The following PDE7B variants were observed in gnomAD, a reference collection of about 807,000 sequenced individuals.
The protein encoded by PDE7B is 3',5'-cyclic-AMP phosphodiesterase 7B.
A neutral mutation model predicts 56.2 loss-of-function variants in PDE7B; 29 were observed. That is an observed-to-expected ratio of 0.52 (90% CI 0.38 to 0.70). The LOEUF (loss-of-function observed/expected upper bound fraction) is 0.70, where lower values mean the gene tolerates loss of function less well. Ranked by LOEUF, PDE7B falls within the 30% of genes least tolerant of loss-of-function variation. The pLI is 0.00. For missense variants in PDE7B, 490 were observed against 565.0 expected, an observed-to-expected ratio of 0.87 and a Z score of 1.35; for synonymous variants, 197 against 196.9, an observed-to-expected ratio of 1.00 and a Z score of 0.00.
intron 1 of PDE7B, among the ~76,000 whole-genome samples, chr6:135,856,607 C>T (rs1775032252): frequency 6.6e-6 from 1 of 152,070 alleles, no homozygotes; most frequent in Non-Finnish European, 1.5e-5. Context: ...GTTCAATCAC[C>T]TTAATCGAGA....
chr6:136,076,628 C>T (rs1013873646), intron 2 of PDE7B, among the ~76,000 whole-genome samples: 3 of 152,110 alleles, frequency 2.0e-5, no homozygotes, highest in Non-Finnish European at 4.4e-5. Context: ...CAGTTAGACG[C>T]CCAGATCTCT....
intron 6 of PDE7B, among the ~76,000 whole-genome samples, chr6:136,152,736 G>T (rs1410814565): frequency 6.6e-6 from 1 of 152,176 alleles, no homozygotes; most frequent in Non-Finnish European, 1.5e-5. Context: ...CTTGCCACAT[G>T]GCTGTACTTT....
chr6:136,130,922 C>T (rs1778107729), intron 3 of PDE7B, among the ~76,000 whole-genome samples: 1 of 152,106 alleles, frequency 6.6e-6, no homozygotes, highest in Non-Finnish European at 1.5e-5. Flanking sequence ...TTATTTATTA[C>T]CATGAGAACA....
At chr6:135,961,267 GTGTGTGTGTGTGTA>G (rs1461385874) in intron 2 of PDE7B, among the ~76,000 whole-genome samples, 285 of 142,434 alleles carry the variant, frequency 2.0e-3, no homozygotes, top group South Asian at 4.1e-3. Context: ...GTGTGTGTGT[GTGTGTGTGTGTGTA>G]TGTGTGTGTG....
At chr6:135,945,021 C>A (rs540075838) in intron 1 of PDE7B, among the ~76,000 whole-genome samples, 1 of 152,232 alleles carries the variant, frequency 6.6e-6, no homozygotes, top group South Asian at 2.1e-4. Context: ...AAGTTTAGAA[C>A]ATTTAGGAAA....
intron 1 of PDE7B, among the ~76,000 whole-genome samples, chr6:135,935,234 C>T (rs1774402174): frequency 1.6e-5 from 1 of 62,828 alleles, no homozygotes; most frequent in Admixed American, 2.1e-4. Context: ...GATTCTTGCT[C>T]TCCAGGAAAA....
intron 1 of PDE7B, among the ~76,000 whole-genome samples, chr6:135,914,144 A>G (rs1314168057): frequency 6.6e-6 from 1 of 152,152 alleles, no homozygotes; most frequent in Non-Finnish European, 1.5e-5. Flanking sequence ...TATTCTAAAC[A>G]GTGTTGATAT....
rs959221699 is a variant in PDE7B, at chr6:135,898,266, C to A, written c.21+46247C>A. Among the ~76,000 whole-genome samples, 4 of 152,102 alleles carry A rather than the reference C, an allele frequency of 2.6e-5. No homozygotes were observed. In the East Asian group the frequency reaches 7.7e-4, roughly 29 times the overall value. ...TGTCTGCTAAAAGACTTCATGTAAACCCCAGAAGAAATTTATTACACACTT... is the reference window on the plus strand; with the variant it reads ...TGTCTGCTAAAAGACTTCATGTAAAACCCAGAAGAAATTTATTACACACTT... On this transcript the variant is annotated intron_variant, in intron 1 of 12. Transcript: ENST00000308191.
rs991310554 is a variant in PDE7B, at chr6:136,091,165, T to C, written c.83-17566T>C. On this transcript the variant is annotated intron_variant, in intron 2 of 12. Transcript: ENST00000308191. ...ATCAGTGGTTCTCAACATCTCCCCATTGAAGTCACTAGGGAAACTGTAAAA... is the reference window on the plus strand; with the variant it reads ...ATCAGTGGTTCTCAACATCTCCCCACTGAAGTCACTAGGGAAACTGTAAAA... Among the ~76,000 whole-genome samples, 9 of 152,160 alleles carry C rather than the reference T, an allele frequency of 5.9e-5. No individual in the cohort carries two copies. The South Asian group carries it at 1.9e-3, about 31-fold the overall frequency.
chr6:136,091,989 C>A (rs919499112), intron 2 of PDE7B, among the ~76,000 whole-genome samples: 1 of 152,154 alleles, frequency 6.6e-6, no homozygotes, highest in Non-Finnish European at 1.5e-5. Context: ...AAGCCATAAG[C>A]AGTAGCATAT....
intron 3 of PDE7B, among the ~76,000 whole-genome samples, chr6:136,123,416 G>A (rs1777971229): frequency 6.6e-6 from 1 of 152,088 alleles, no homozygotes; most frequent in Non-Finnish European, 1.5e-5. Context: ...TCTCCAAAAT[G>A]TCAACAGTGT....
chr6:136,127,840 C>T (rs1778048388), intron 3 of PDE7B, among the ~76,000 whole-genome samples: 1 of 152,182 alleles, frequency 6.6e-6, no homozygotes, highest in South Asian at 2.1e-4. Context: ...GCAGCATTCA[C>T]TGGGGTGAAC....
At chr6:135,908,425 A>G (rs1776155094) in intron 1 of PDE7B, among the ~76,000 whole-genome samples, 1 of 151,984 alleles carries the variant, frequency 6.6e-6, no homozygotes, top group Admixed American at 6.6e-5. Context: ...AAATTGGTCC[A>G]ATTTCCTTAG....
At chr6:136,071,569 G>T (rs1042023830) in intron 2 of PDE7B, among the ~76,000 whole-genome samples, 1 of 152,116 alleles carries the variant, frequency 6.6e-6, no homozygotes, top group Non-Finnish European at 1.5e-5. Flanking sequence ...CACCATTACA[G>T]AAACACCAAG....
intron 2 of PDE7B, among the ~76,000 whole-genome samples, chr6:136,086,500 A>AT (rs1759269818): frequency 6.6e-6 from 1 of 152,106 alleles, no homozygotes; most frequent in Non-Finnish European, 1.5e-5. Flanking sequence ...ATATTCCCTT[A>AT]TTCTATCTGC....
At chr6:135,988,910 A>C (rs1465063355) in intron 2 of PDE7B, among the ~76,000 whole-genome samples, 3 of 152,190 alleles carry the variant, frequency 2.0e-5, no homozygotes. Flanking sequence ...AGGAAACTTA[A>C]TCTCAATCGA....
rs571742340 is a variant in PDE7B at position 136,072,196 on chromosome 6, T to C, written c.83-36535T>C. On this transcript the variant is annotated intron_variant, in intron 2 of 12. Coordinates refer to ENST00000308191, the MANE Select transcript of PDE7B (RefSeq NM_018945.4). Reference sequence around the variant, plus strand: ...ATACAATAAACACAGTTCCTGCCCTTAATGGGGAAAACAGAAAATAAATAG... The same window carrying C: ...ATACAATAAACACAGTTCCTGCCCTCAATGGGGAAAACAGAAAATAAATAG... 2.6e-5 allele frequency among the ~76,000 whole-genome samples: 4 copies of C among 152,264 alleles called. No homozygotes were observed. In the East Asian group the frequency reaches 7.7e-4, roughly 29 times the overall value.
At chr6:135,910,222 A>G (rs996596898) in intron 1 of PDE7B, among the ~76,000 whole-genome samples, 1 of 152,186 alleles carries the variant, frequency 6.6e-6, no homozygotes, top group Non-Finnish European at 1.5e-5. Context: ...AAGCTTACCC[A>G]CTACAACATC....
intron 1 of PDE7B, among the ~76,000 whole-genome samples, chr6:135,945,199 C>T (rs149721464): frequency 7.9e-5 from 12 of 152,266 alleles, no homozygotes; most frequent in African/African-American, 2.4e-4. Flanking sequence ...CTCCATGGGT[C>T]GTTAATCCTC....
Sources: allele counts gnomAD v4.1 joint callset (sites outside exome capture counted in the v4.1 genomes callset), GRCh38; gene constraint gnomAD v4.1.1; transcripts MANE v1.5; gene names NCBI Gene and HGNC (gene_info 2026-07-23, HGNC 2026-07-21).